The following PLD5 variants were observed in gnomAD, a reference collection of about 807,000 sequenced individuals.
PLD5 encodes phospholipase D family member 5.
Under a neutral mutation model 61.1 loss-of-function variants are expected in PLD5, and 36 were observed. The ratio of observed to expected loss-of-function variants is 0.59; its 90% CI spans 0.45 to 0.78. The LOEUF (loss-of-function observed/expected upper bound fraction) is 0.78, where lower values mean the gene tolerates loss of function less well. PLD5 is among the 30% of genes least tolerant of loss of function. The probability of loss-of-function intolerance (pLI) is 0.00; values close to 1 mark genes in which losing one functional copy is unlikely to be tolerated. For synonymous variants in PLD5, 243 were observed against 242.8 expected (o/e 1.00, Z -0.01); for missense variants, 515 against 644.4 (o/e 0.80, Z 2.17).
chr1:242,153,437 C>A (rs1489092445), intron 5 of PLD5, among the ~76,000 whole-genome samples: 3 of 151,470 alleles, frequency 2.0e-5, no homozygotes, highest in Non-Finnish European at 4.4e-5. Flanking sequence ...TGCCTATGTC[C>A]TGAATGGTAT....
chr1:242,196,976 C>T (rs1389889749), intron 5 of PLD5, among the ~76,000 whole-genome samples: 1 of 152,174 alleles, frequency 6.6e-6, no homozygotes, highest in Non-Finnish European at 1.5e-5. Flanking sequence ...TTTTCCCAGG[C>T]TGGACTCGAA....
At chr1:242,508,122 G>T (rs1668785776) in intron 1 of PLD5, among the ~76,000 whole-genome samples, 1 of 151,902 alleles carries the variant, frequency 6.6e-6, no homozygotes, top group African/African-American at 2.4e-5. Context: ...CCAGCACTTT[G>T]GGAGGCCAAG....
intron 2 of PLD5, among the ~76,000 whole-genome samples, chr1:242,321,176 A>G (rs949906806): frequency 2.6e-5 from 4 of 152,176 alleles, no homozygotes; most frequent in African/African-American, 9.7e-5. Context: ...CCTACAGAAA[A>G]TCTAAATTGA....
chr1:242,419,153 C>T (rs927539813), intron 1 of PLD5, among the ~76,000 whole-genome samples: 17 of 152,208 alleles, frequency 1.1e-4, no homozygotes, highest in African/African-American at 4.1e-4. Context: ...GACCCTCACG[C>T]CTCCAGGCGG....
intron 1 of PLD5, among the ~76,000 whole-genome samples, chr1:242,382,659 A>G (rs1380917909): frequency 6.6e-6 from 1 of 152,200 alleles, no homozygotes; most frequent in African/African-American, 2.4e-5. Context: ...GAAGCACTGA[A>G]CAATGAATGG....
At chr1:242,340,816 G>T (rs192429712) in intron 2 of PLD5, among the ~76,000 whole-genome samples, 1 of 152,284 alleles carries the variant, frequency 6.6e-6, no homozygotes, top group Non-Finnish European at 1.5e-5. Context: ...GGAATACGAA[G>T]AAATGAAGGG....
intron 5 of PLD5, among the ~76,000 whole-genome samples, chr1:242,164,335 C>T (rs993658593): frequency 6.6e-6 from 1 of 151,822 alleles, no homozygotes; most frequent in Non-Finnish European, 1.5e-5. Context: ...AGTATCTATG[C>T]TTTATCCAAA....
intron 1 of PLD5, among the ~76,000 whole-genome samples, chr1:242,436,961 C>T (rs2654881): frequency 0.62 from 94,346 of 152,080 alleles, 30,636 homozygotes; most frequent in African/African-American, 0.82. Flanking sequence ...GCTAAACCAT[C>T]AGACAACGTA....
upstream of PLD5, among the ~76,000 whole-genome samples, chr1:242,525,670 T>A (rs547183720): frequency 3.9e-5 from 6 of 152,306 alleles, no homozygotes; most frequent in Middle Eastern, 3.4e-3. Flanking sequence ...TGGAGAGGTA[T>A]ACAGGGGATT....
At chr1:242,180,550 AT>A (rs1266700570) in intron 5 of PLD5, among the ~76,000 whole-genome samples, 2 of 152,168 alleles carry the variant, frequency 1.3e-5, no homozygotes, top group African/African-American at 4.8e-5. Flanking sequence ...AGATAACAAT[AT>A]TTTTGCTAGA....
rs189693721 is a variant in PLD5 at position 242,220,218 on chromosome 1, T to C, written c.608-103A>G. The C allele has an allele frequency of 8.9e-5, 128 of 1,436,378 alleles. No individual in the cohort carries two copies. In the African/African-American group the frequency reaches 9.1e-4, roughly 10 times the overall value. The allele number at this position is 1,436,378 out of a possible 1,614,324, so 89.0% of individuals were successfully genotyped here. On this transcript the variant is annotated intron_variant, in intron 4 of 9. Coordinates refer to ENST00000536534, the MANE Select transcript of PLD5 (RefSeq NM_001372062.1). Reference sequence around the variant, plus strand: ...ATTCATGGTTCACCATTTGTCCCAATTGACATTTAGGAAAGCTAAATATTT... The same window carrying C: ...ATTCATGGTTCACCATTTGTCCCAACTGACATTTAGGAAAGCTAAATATTT...
chr1:242,405,264 T>C (rs1260709469), intron 1 of PLD5, among the ~76,000 whole-genome samples: 1 of 152,090 alleles, frequency 6.6e-6, no homozygotes, highest in Admixed American at 6.5e-5. Context: ...TCAAATCCCT[T>C]ATGTTAGTGA....
At chr1:242,463,580 C>T (rs958197048) in intron 1 of PLD5, among the ~76,000 whole-genome samples, 8 of 152,122 alleles carry the variant, frequency 5.3e-5, no homozygotes, top group African/African-American at 1.7e-4. Context: ...TCTTACTTCA[C>T]ATCCACAGAC....
rs529665569 is a variant in PLD5, at chr1:242,256,451, A to G, written c.607+8886T>C. Reference sequence around the variant, plus strand: ...GTATTAAGTGGTGGGGTCTTTGGAAAGTGACTGAGTCACGAATGTATTGGT... The same window carrying G: ...GTATTAAGTGGTGGGGTCTTTGGAAGGTGACTGAGTCACGAATGTATTGGT... On this transcript the variant is annotated intron_variant, in intron 4 of 9. Coordinates refer to ENST00000536534, the MANE Select transcript of PLD5 (RefSeq NM_001372062.1). This position sits in a 1 kb window ranked among gnomAD's most constrained non-coding sequence, Gnocchi z 5.7. 1.3e-5 allele frequency among the ~76,000 whole-genome samples: 2 copies of G among 152,292 alleles called. No homozygotes were observed. Among genetic ancestry groups the G allele is most frequent in the South Asian group, 4.1e-4 (2 of 4,826 alleles).
intron 1 of PLD5, among the ~76,000 whole-genome samples, chr1:242,389,614 C>T (rs2809986): frequency 0.46 from 68,817 of 150,862 alleles, 15,929 homozygotes; most frequent in East Asian, 0.58. Context: ...AAGCAGCAGA[C>T]GGAGAAATAA....
intron 1 of PLD5, among the ~76,000 whole-genome samples, chr1:242,517,683 C>T (rs1250790494): frequency 6.6e-6 from 1 of 152,052 alleles, no homozygotes; most frequent in Non-Finnish European, 1.5e-5. Flanking sequence ...CATAACACTG[C>T]CATTATATTG....
chr1:242,142,460 G>T lies in PLD5; in HGVS notation c.736-17795C>A, dbSNP rs372550688. On this transcript the variant is annotated intron_variant, in intron 5 of 9. Transcript: ENST00000536534. ...ATTCCCCTTTGTATATTTCCAAATG[G>T]GAGCAACGTACATATTCTACAACTG... Among the ~76,000 whole-genome samples the T allele has an allele frequency of 5.3e-4, 80 of 152,160 alleles. 2 individuals carry two copies. The South Asian group carries it at 0.016, about 30-fold the overall frequency.
At chr1:242,150,283 G>C (rs894238436) in intron 5 of PLD5, among the ~76,000 whole-genome samples, 1 of 151,612 alleles carries the variant, frequency 6.6e-6, no homozygotes, top group African/African-American at 2.4e-5. Context: ...CTGTTGTACT[G>C]TTTTGGGATA....
chr1:242,109,540 A>C (rs1661319389), intron 7 of PLD5, among the ~76,000 whole-genome samples: 1 of 152,170 alleles, frequency 6.6e-6, no homozygotes, highest in Non-Finnish European at 1.5e-5. Context: ...CCACAAAGTC[A>C]CAAGACTCCC....
Sources: allele counts gnomAD v4.1 joint callset (sites outside exome capture counted in the v4.1 genomes callset), GRCh38; gene constraint gnomAD v4.1.1; non-coding constraint Gnocchi (gnomAD v3.1); transcripts MANE v1.5; gene names NCBI Gene and HGNC (gene_info 2026-07-23, HGNC 2026-07-21).